Variants in CEP83 observed in about 807,000 individuals in gnomAD.
CEP83 encodes the protein centrosomal protein 83.
CEP83 carries 70 observed loss-of-function variants against 101.9 expected under a neutral mutation model. That is an observed-to-expected ratio of 0.69 (90% CI 0.57 to 0.84). The LOEUF is 0.84. Among genes scored for constraint, CEP83 ranks in the 40% least tolerant of loss-of-function variants. CEP83 has a pLI of 0.00. For synonymous variants in CEP83, 264 were observed against 267.9 expected, an observed-to-expected ratio of 0.99 and a Z score of 0.14; for missense variants, 715 against 787.2, an observed-to-expected ratio of 0.91 and a Z score of 1.10.
At chr12:94,452,600 A>T (rs2067339570) in intron 1 of CEP83, among the ~76,000 whole-genome samples, 1 of 152,154 alleles carries the variant, frequency 6.6e-6, no homozygotes, top group Admixed American at 6.5e-5. Context: ...AAAAAGAATA[A>T]CGTTGCTAAT....
intron 8 of CEP83, among the ~76,000 whole-genome samples, chr12:94,372,312 A>G (rs891197416): frequency 7.2e-5 from 11 of 152,222 alleles, no homozygotes; most frequent in African/African-American, 2.4e-4. Context: ...TTTCTATAAA[A>G]GCAAGTTTTA....
At chr12:94,368,307 A>G in intron 9 of CEP83, 106 bp from the exon 10 acceptor site, 3 of 744,202 alleles carry the variant, frequency 4.0e-6, no homozygotes, top group Non-Finnish European at 6.4e-6. Context: ...TGAATGTAGA[A>G]AGTCTCTACA....
At chr12:94,298,534 A>G in the CEP83 span, 1 of 1,015,794 alleles carries the variant, frequency 9.8e-7, no homozygotes, top group Admixed American at 2.9e-5. Flanking sequence ...TGTTTTGAAC[A>G]TTATTTTCTC....
intron 14 of CEP83, among the ~76,000 whole-genome samples, chr12:94,319,871 T>C (rs1346918487): frequency 6.6e-6 from 1 of 152,208 alleles, no homozygotes; most frequent in Non-Finnish European, 1.5e-5. Flanking sequence ...ATCAGATCTA[T>C]CTGGTCCAAT....
chr12:94,424,117 G>A (rs1288461831), intron 2 of CEP83: 1 of 1,605,536 alleles, frequency 6.2e-7, no homozygotes, highest in African/African-American at 1.3e-5. Context: ...ACACAGGAGA[G>A]GAAAGGTATG....
intron 2 of CEP83, among the ~76,000 whole-genome samples, chr12:94,429,497 C>G (rs890606885): frequency 6.6e-6 from 1 of 152,218 alleles, no homozygotes; most frequent in Admixed American, 6.5e-5. Context: ...CAGACTGCAC[C>G]TTGTGCTTGG....
chr12:94,279,790 T>C, the CEP83 span: 1 of 783,812 alleles, frequency 1.3e-6, no homozygotes, highest in East Asian at 2.7e-5. Flanking sequence ...CTGGAGGGCA[T>C]GTCTAGGGGC....
chr12:94,274,431 A>G, the CEP83 span, among the ~76,000 whole-genome samples: 1 of 152,140 alleles, frequency 6.6e-6, no homozygotes, highest in Non-Finnish European at 1.5e-5. Context: ...GCTGCTGATC[A>G]TGCCTCCCAA....
chr12:94,290,531 C>T, the CEP83 span, among the ~76,000 whole-genome samples: 1 of 152,212 alleles, frequency 6.6e-6, no homozygotes, highest in Non-Finnish European at 1.5e-5. Context: ...CACCCCACCA[C>T]CAAGATATCA....
intron 2 of CEP83, among the ~76,000 whole-genome samples, chr12:94,433,752 T>C (rs2065810020): frequency 6.6e-6 from 1 of 151,508 alleles, no homozygotes; most frequent in African/African-American, 2.4e-5. Context: ...ATTAGATACC[T>C]ATACCCATCC....
intron 11 of CEP83, among the ~76,000 whole-genome samples, chr12:94,339,632 G>T (rs1200774418): frequency 6.6e-6 from 1 of 152,264 alleles, no homozygotes; most frequent in South Asian, 2.1e-4. Flanking sequence ...AACATACAGG[G>T]CAAACAATAG....
intron 11 of CEP83, among the ~76,000 whole-genome samples, chr12:94,351,424 A>G (rs2060193364): frequency 6.6e-6 from 1 of 152,166 alleles, no homozygotes; most frequent in African/African-American, 2.4e-5. Context: ...GCTGAAATAC[A>G]TGCTGCCATG....
In CEP83 at chr12:94,400,522, G is replaced by A. The variant is rs546975712; in HGVS notation, c.549+328C>T. On this transcript the variant is annotated intron_variant, in intron 6 of 16. Coordinates refer to ENST00000397809, the MANE Select transcript of CEP83 (RefSeq NM_016122.3). ...AAGCAGAAAGAACAATGCTAAGTAAGGAATCACACTAACTATATTTGCAGA... is the reference window on the plus strand; with the variant it reads ...AAGCAGAAAGAACAATGCTAAGTAAAGAATCACACTAACTATATTTGCAGA... 1.8e-4 allele frequency among the ~76,000 whole-genome samples: 28 copies of A among 152,216 alleles called. No individual in the cohort carries two copies. The South Asian group carries it at 4.1e-3, about 23-fold the overall frequency.
chr12:94,459,365 C>G (rs2067967525), intron 1 of CEP83, among the ~76,000 whole-genome samples, 192 bp downstream of exon 1: 1 of 152,186 alleles, frequency 6.6e-6, no homozygotes, highest in Non-Finnish European at 1.5e-5. Flanking sequence ...GGCTACACAA[C>G]CACCAAGCCA....
chr12:94,347,807 T>A (rs1448388271), intron 11 of CEP83, among the ~76,000 whole-genome samples: 1 of 152,186 alleles, frequency 6.6e-6, no homozygotes, highest in Non-Finnish European at 1.5e-5. Flanking sequence ...GGAGGTCAAC[T>A]ATAAAGAGAC....
chr12:94,435,970 C>T (rs1429683085), intron 1 of CEP83, among the ~76,000 whole-genome samples: 3 of 152,030 alleles, frequency 2.0e-5, no homozygotes, highest in Non-Finnish European at 4.4e-5. Flanking sequence ...TGGCTAGACC[C>T]AGAACGGTAA....
intron 2 of CEP83, among the ~76,000 whole-genome samples, chr12:94,425,369 G>C (rs1242649018): frequency 6.6e-6 from 1 of 152,124 alleles, no homozygotes; most frequent in Non-Finnish European, 1.5e-5. Flanking sequence ...CCCATGGAGG[G>C]ATCCTGTCAG....
intron 1 of CEP83, among the ~76,000 whole-genome samples, chr12:94,449,189 A>G (rs1406644053): frequency 6.6e-6 from 1 of 152,158 alleles, no homozygotes; most frequent in East Asian, 1.9e-4. Flanking sequence ...AATGGACTAC[A>G]CTTCCTAGAA....
At chr12:94,416,651 A>T (rs538178127) in intron 2 of CEP83, among the ~76,000 whole-genome samples, 1 of 152,136 alleles carries the variant, frequency 6.6e-6, no homozygotes, top group Non-Finnish European at 1.5e-5. Context: ...CTGTAATAAA[A>T]TACCCTAATA....
Sources: gnomAD v4.1 joint callset for allele counts (sites outside exome capture counted in the v4.1 genomes callset) on GRCh38, gnomAD v4.1.1 for gene constraint, MANE v1.5 for transcripts, NCBI Gene and HGNC (gene_info 2026-07-23, HGNC 2026-07-21) for gene names.